The following CLEC4A variants were observed in gnomAD, a reference collection of about 807,000 sequenced individuals.
CLEC4A encodes C-type (calcium dependent, carbohydrate-recognition domain) lectin, superfamily member 6.
In CLEC4A, 27 loss-of-function variants were observed where a neutral mutation model predicts 32.7. That is an observed-to-expected ratio of 0.83 (90% CI 0.61 to 1.14). The LOEUF (loss-of-function observed/expected upper bound fraction) is 1.14. Among genes scored for constraint, CLEC4A ranks in the 50% most tolerant of loss-of-function variants. The pLI is 0.00. For synonymous variants in CLEC4A, 89 were observed against 93.7 expected (o/e 0.95, Z 0.29); for missense variants, 253 against 274.6 (o/e 0.92, Z 0.55).
intron 3 of CLEC4A, chr12:8,134,104 C>A: frequency 6.3e-7 from 1 of 1,593,350 alleles, no homozygotes; most frequent in Non-Finnish European, 8.6e-7. Flanking sequence ...TCGGGCACCG[C>A]AGGAACAAAT....
the CLEC4A span, among the ~76,000 whole-genome samples, chr12:8,107,238 G>A: frequency 6.6e-6 from 1 of 152,180 alleles, no homozygotes; most frequent in African/African-American, 2.4e-5. Context: ...CTTGATAATG[G>A]TGGATTAACT....
intron 3 of CLEC4A, chr12:8,134,973 G>GTTTTTTTTTTTTTTTTTTTTTTTTTTTT (rs371181779): frequency 1.7e-5 from 5 of 290,642 alleles, no homozygotes; most frequent in African/African-American, 5.2e-5. Context: ...TTGTTGAAGC[G>GTTTTTTTTTTTTTTTTTTTTTTTTTTTT]TTTTTGTTTT....
chr12:8,134,633 C>T, intron 3 of CLEC4A: 2 of 1,608,092 alleles, frequency 1.2e-6, no homozygotes, highest in South Asian at 2.2e-5. Context: ...CACAGTACGC[C>T]ATCCCCCCGC....
the CLEC4A span, among the ~76,000 whole-genome samples, chr12:8,107,178 C>T: frequency 6.6e-6 from 1 of 152,106 alleles, no homozygotes; most frequent in African/African-American, 2.4e-5. Context: ...GAATTACATT[C>T]ATGGATTTGT....
At chr12:8,128,280 C>T (rs191897088) in intron 2 of CLEC4A, among the ~76,000 whole-genome samples, 2 of 151,946 alleles carry the variant, frequency 1.3e-5, no homozygotes, top group East Asian at 3.9e-4. Context: ...AGGAAGAGGA[C>T]TAAGTAACCC....
Position 8,123,654 on chromosome 12 carries a change from C to A in CLEC4A, c.-225C>A, listed in dbSNP as rs1369416791. The A allele has an allele frequency of 2.0e-6, 1 of 505,694 alleles. No individual in the cohort carries two copies. The allele number at this position is 505,694 out of a possible 1,614,324, so 31.3% of individuals were successfully genotyped here. ...AGGCTGTGATTCTCACTATACTGGT[C>A]CTGAGGAAAGGGCTTCTGTGAACTG... On this transcript the variant is annotated 5_prime_UTR_variant, in exon 1 of 6. Coordinates refer to ENST00000229332, the MANE Select transcript of CLEC4A (RefSeq NM_016184.4).
At chr12:8,134,696 C>G (rs1285055994) in intron 3 of CLEC4A, 1 of 1,573,716 alleles carries the variant, frequency 6.4e-7, no homozygotes, top group South Asian at 1.2e-5. Context: ...CAGAGCCTGG[C>G]CCAAACCCCG....
intron 3 of CLEC4A, among the ~76,000 whole-genome samples, chr12:8,133,090 T>C (rs942965201): frequency 2.0e-5 from 3 of 152,092 alleles, no homozygotes; most frequent in Admixed American, 6.5e-5. Flanking sequence ...AATTTTTGTA[T>C]TTTTAGTAGA....
chr12:8,106,435 G>T, the CLEC4A span, among the ~76,000 whole-genome samples: 691 of 152,258 alleles, frequency 4.5e-3, 5 homozygotes, highest in African/African-American at 0.016. Flanking sequence ...GAATGTCATT[G>T]GTAGTTTGAT....
Position 8,135,030 on chromosome 12 carries a change from TCTAACAA to T in CLEC4A, c.299-554_299-548del, listed in dbSNP as rs1565406470. On this transcript the variant is annotated intron_variant, in intron 3 of 5. Transcript: ENST00000229332. ...TGCTTTTAAATCTTTGTCAGATAAT[TCTAACAA>T]TTTTATTATCTTTTTTTTTTTTTTT... 3.6e-3 allele frequency among the ~76,000 whole-genome samples: 416 copies of T among 114,118 alleles called. 14 individuals carry two copies. Among genetic ancestry groups the T allele is most frequent in the Non-Finnish European group, 4.7e-3 (264 of 56,130 alleles). The allele number at this position is 114,118 out of a possible 152,430, so 74.9% of individuals were successfully genotyped here. A position where few individuals can be genotyped will look rare whatever the true frequency, so the allele number is the denominator to read the frequency against.
At position 8,126,581 on chromosome 12, in the gene CLEC4A, T is replaced by C. The variant is rs763745181; in HGVS notation, c.199+904T>C. ...TAGGTAGATTCTTTATTAATTTCTT[T>C]GGTCATTTCATAAGTATTGTCCATC... On this transcript the variant is annotated intron_variant, in intron 2 of 5. Transcript: ENST00000229332. Among the ~76,000 whole-genome samples the C allele has an allele frequency of 2.6e-5, 4 of 152,284 alleles. No homozygotes were observed. In the South Asian group the frequency reaches 6.2e-4, roughly 24 times the overall value.
intron 3 of CLEC4A, chr12:8,134,921 A>C: frequency 3.1e-6 from 4 of 1,306,352 alleles, no homozygotes; most frequent in Non-Finnish European, 3.9e-6. Flanking sequence ...CTTTGCTGAA[A>C]CTTTCTAGTT....
At chr12:8,135,840 C>A in intron 4 of CLEC4A, 104 bp downstream of exon 4, 2 of 1,175,610 alleles carry the variant, frequency 1.7e-6, no homozygotes, top group Non-Finnish European at 1.2e-6. Flanking sequence ...TGCGCTGTGG[C>A]AGAAGGCTTT....
intron 2 of CLEC4A, 102 bp downstream of exon 2, chr12:8,125,779 A>C (rs1947891729): frequency 1.4e-6 from 1 of 710,930 alleles, no homozygotes; most frequent in Non-Finnish European, 2.4e-6. Flanking sequence ...AGAAATCTGA[A>C]ATGAAATTTT....
Position 8,129,512 on chromosome 12 carries a change from G to C in CLEC4A, c.298+150G>C, listed in dbSNP as rs1947959140. The C allele has an allele frequency of 6.1e-6, 4 of 654,266 alleles. No homozygotes were observed. The Admixed American group carries it at 1.2e-4, about 19-fold the overall frequency. 40.5% of individuals were successfully genotyped at this position (654,266 alleles called of 1,614,324 possible). A position where few individuals can be genotyped will look rare whatever the true frequency, so the allele number is the denominator to read the frequency against. ...ACAAATGTACAAATATCTAGGACAT[G>C]CTGGGCATGGTGGCTCACACCTGTA... On this transcript the variant is annotated intron_variant, in intron 3 of 5. Coordinates refer to ENST00000229332, the MANE Select transcript of CLEC4A (RefSeq NM_016184.4).
intron 3 of CLEC4A, among the ~76,000 whole-genome samples, chr12:8,133,087 G>A (rs1948028367): frequency 6.6e-6 from 1 of 151,988 alleles, no homozygotes; most frequent in African/African-American, 2.4e-5. Context: ...GCTAATTTTT[G>A]TATTTTTAGT....
chr12:8,129,173 T>G (rs757054352), intron 2 of CLEC4A, 91 bp from the exon 3 acceptor site: 3 of 798,602 alleles, frequency 3.8e-6, no homozygotes, highest in Non-Finnish European at 6.0e-6. Context: ...ATTTGTAAGT[T>G]TTATTTCAAT....
At chr12:8,124,063 G>A (rs1591605917) in intron 1 of CLEC4A, 103 bp downstream of exon 1, 2 of 769,366 alleles carry the variant, frequency 2.6e-6, no homozygotes, top group South Asian at 3.0e-5. Flanking sequence ...TTGTCTGATT[G>A]AGTATGTCTG....
intron 4 of CLEC4A, among the ~76,000 whole-genome samples, 171 bp from the exon 5 acceptor site, chr12:8,136,617 A>G (rs1948120856): frequency 6.6e-6 from 1 of 152,046 alleles, no homozygotes; most frequent in African/African-American, 2.4e-5. Context: ...TCATGCTTAC[A>G]AGCGATGTCT....
Sources: allele counts gnomAD v4.1 joint callset (sites outside exome capture counted in the v4.1 genomes callset), GRCh38; gene constraint gnomAD v4.1.1; transcripts MANE v1.5; gene names NCBI Gene and HGNC (gene_info 2026-07-23, HGNC 2026-07-21).